ABHD17B: variants seen among roughly 807,000 people sequenced by gnomAD.
The protein encoded by ABHD17B is alpha/beta hydrolase domain-containing protein 17B.
In ABHD17B, 9 loss-of-function variants were observed where a neutral mutation model predicts 26.2. The observed-to-expected ratio is 0.34, with a 90% CI of 0.21 to 0.60. The LOEUF is 0.60. ABHD17B is among the 20% of genes least tolerant of loss of function. The pLI is 0.80. For missense variants in ABHD17B, 224 were observed against 352.1 expected (o/e 0.64, Z 2.91); for synonymous variants, 127 against 122.3 (o/e 1.04, Z -0.25).
chr9:71,895,430 A>C (rs1826925791), intron 1 of ABHD17B, among the ~76,000 whole-genome samples: 1 of 152,218 alleles, frequency 6.6e-6, no homozygotes, highest in Admixed American at 6.5e-5. Flanking sequence ...TCCTGGCCAA[A>C]TAGGGTATAT....
intron 1 of ABHD17B, among the ~76,000 whole-genome samples, chr9:71,882,918 G>A (rs1826491124): frequency 6.6e-6 from 1 of 151,860 alleles, no homozygotes; most frequent in South Asian, 2.1e-4. Flanking sequence ...GGCCGATGTG[G>A]GCAGAACACG....
At chr9:71,889,584 G>A (rs111877599) in intron 1 of ABHD17B, among the ~76,000 whole-genome samples, 8 of 152,188 alleles carry the variant, frequency 5.3e-5, no homozygotes, top group South Asian at 2.1e-4. Flanking sequence ...TACTGGTGGG[G>A]GACAGCTATG....
downstream of ABHD17B, among the ~76,000 whole-genome samples, chr9:71,863,987 C>T (rs926242650): frequency 6.2e-4 from 94 of 152,198 alleles, no homozygotes; most frequent in African/African-American, 2.1e-3. Context: ...ATCATTTTCC[C>T]ATGATGTATT....
At chr9:71,885,418 C>A (rs1235916594) in intron 1 of ABHD17B, among the ~76,000 whole-genome samples, 5 of 150,454 alleles carry the variant, frequency 3.3e-5, no homozygotes, top group Non-Finnish European at 7.4e-5. Context: ...CGAGATTGCA[C>A]CACTGCACTC....
intron 1 of ABHD17B, among the ~76,000 whole-genome samples, chr9:71,899,960 C>G (rs1236489590): frequency 1.3e-5 from 2 of 152,034 alleles, no homozygotes; most frequent in Non-Finnish European, 2.9e-5. Context: ...TCTTTAGGAG[C>G]CTTACTAAAA....
intron 1 of ABHD17B, among the ~76,000 whole-genome samples, chr9:71,897,942 G>C (rs1254129961): frequency 6.6e-6 from 1 of 152,000 alleles, no homozygotes; most frequent in Non-Finnish European, 1.5e-5. Flanking sequence ...GCCTCAAAAA[G>C]TTTACATTTC....
downstream of ABHD17B, chr9:71,862,617 A>G (rs752859664): frequency 1.1e-5 from 12 of 1,139,668 alleles, no homozygotes; most frequent in South Asian, 1.4e-4. Context: ...CCTGTAAAAT[A>G]AAGGGATTAG....
chr9:71,876,912 T>C (rs1364905539), intron 1 of ABHD17B, among the ~76,000 whole-genome samples: 2 of 152,226 alleles, frequency 1.3e-5, no homozygotes, highest in Non-Finnish European at 2.9e-5. Flanking sequence ...AATTGCTTCC[T>C]ACCTTTATTT....
intron 1 of ABHD17B, among the ~76,000 whole-genome samples, chr9:71,878,324 G>C (rs1340936477): frequency 6.6e-6 from 1 of 151,946 alleles, no homozygotes; most frequent in Non-Finnish European, 1.5e-5. Context: ...GGAATTAAGA[G>C]ACAGAAAACA....
At chr9:71,877,913 T>C (rs939064995) in intron 1 of ABHD17B, among the ~76,000 whole-genome samples, 2 of 152,196 alleles carry the variant, frequency 1.3e-5, no homozygotes, top group African/African-American at 4.8e-5. Flanking sequence ...CCTCTTCCAC[T>C]GCCCAAAAGC....
rs1825950501 is a variant in ABHD17B at position 71,866,115 on chromosome 9, T to A, written c.*672A>T. ...TACCAAACTTAGAAGTCAAAACTAGTTAAAATTCAGTGCTATCATGACTTC... is the reference window on the plus strand; with the variant it reads ...TACCAAACTTAGAAGTCAAAACTAGATAAAATTCAGTGCTATCATGACTTC... On this transcript the variant is annotated 3_prime_UTR_variant, in exon 4 of 4. Coordinates refer to ENST00000333421, the MANE Select transcript of ABHD17B (RefSeq NM_001025780.3). 1.0e-6 allele frequency: 1 copy of A among 985,302 alleles called. No homozygotes were observed. The highest frequency in any genetic ancestry group is 1.7e-5 in the African/African-American group (1 of 57,234). 61.0% of individuals were successfully genotyped at this position (985,302 alleles called of 1,614,324 possible).
chr9:71,910,218 G>T (rs956443530), intron 1 of ABHD17B, among the ~76,000 whole-genome samples: 3 of 152,124 alleles, frequency 2.0e-5, no homozygotes, highest in Non-Finnish European at 4.4e-5. Context: ...CTCTCAGTGC[G>T]CCAGTGAGGG....
Position 71,900,230 on chromosome 9 carries a change from G to A in ABHD17B, c.-4+10404C>T, listed in dbSNP as rs146612561. Among the ~76,000 whole-genome samples the A allele has an allele frequency of 9.8e-4, 150 of 152,304 alleles. 1 individual carries two copies. The highest frequency in any genetic ancestry group is 3.4e-3 in the African/African-American group (143 of 41,566). ...ACAGAAAGAACAACTCAAAATGTGCGAGTAAACACAAAGAAAAATATTTGA... is the reference window on the plus strand; with the variant it reads ...ACAGAAAGAACAACTCAAAATGTGCAAGTAAACACAAAGAAAAATATTTGA... On this transcript the variant is annotated intron_variant, in intron 1 of 3. Transcript: ENST00000333421.
In ABHD17B at chr9:71,867,012, G is replaced by C. The variant is rs746792403; in HGVS notation, c.648-6C>G. 76 of 1,613,248 alleles carry C rather than the reference G, an allele frequency of 4.7e-5. No individual in the cohort carries two copies. The highest frequency in any genetic ancestry group is 6.4e-5 in the Non-Finnish European group (75 of 1,179,814). ...TCTTAGAGATTTTGTCAATGCTGCA[G>C]GGAAAAAGGAAGGGGGAAAAATGCA... On this transcript the variant is annotated splice_region_variant and splice_polypyrimidine_tract_variant and intron_variant, in intron 3 of 3. Coordinates refer to ENST00000333421, the MANE Select transcript of ABHD17B (RefSeq NM_001025780.3).
intron 1 of ABHD17B, among the ~76,000 whole-genome samples, chr9:71,902,182 T>C (rs895117672): frequency 2.0e-5 from 3 of 152,212 alleles, no homozygotes; most frequent in Non-Finnish European, 2.9e-5. Context: ...CTTCCTTCCG[T>C]AGGGGGCAAA....
At chr9:71,902,875 A>C (rs564877516) in intron 1 of ABHD17B, among the ~76,000 whole-genome samples, 172 of 152,304 alleles carry the variant, frequency 1.1e-3, no homozygotes, top group African/African-American at 3.9e-3. Context: ...TTAAAAAAAC[A>C]TCTAAATTCA....
At chr9:71,901,695 T>A (rs1314362284) in intron 1 of ABHD17B, among the ~76,000 whole-genome samples, 1 of 152,142 alleles carries the variant, frequency 6.6e-6, no homozygotes, top group Non-Finnish European at 1.5e-5. Flanking sequence ...CATTTCACTC[T>A]TTCCCCATCC....
intron 1 of ABHD17B, among the ~76,000 whole-genome samples, chr9:71,893,860 C>T (rs773532686): frequency 6.6e-6 from 1 of 152,068 alleles, no homozygotes; most frequent in South Asian, 2.1e-4. Flanking sequence ...TAGGCCAAGG[C>T]GGGTGGATCA....
chr9:71,884,873 G>A (rs1178415721), intron 1 of ABHD17B, among the ~76,000 whole-genome samples: 1 of 152,080 alleles, frequency 6.6e-6, no homozygotes. Context: ...CACCCAAGAA[G>A]CTCCTACAAA....
Sources: allele counts gnomAD v4.1 joint callset (sites outside exome capture counted in the v4.1 genomes callset), GRCh38; gene constraint gnomAD v4.1.1; transcripts MANE v1.5; gene names NCBI Gene and HGNC (gene_info 2026-07-23, HGNC 2026-07-21).